ADAMTS17: variants seen among roughly 807,000 people sequenced by gnomAD.
The protein encoded by ADAMTS17 is ADAM metallopeptidase with thrombospondin type 1 motif 17, also known as A disintegrin and metalloproteinase with thrombospondin motifs 17.
A neutral mutation model predicts 141.5 loss-of-function variants in ADAMTS17; 113 were observed. The observed-to-expected ratio is 0.80, with a 90% CI of 0.69 to 0.93. The LOEUF (loss-of-function observed/expected upper bound fraction) is 0.93. Ranked by LOEUF, ADAMTS17 falls within the 40% of genes least tolerant of loss-of-function variation. ADAMTS17 has a pLI of 0.00. For synonymous variants in ADAMTS17, 768 were observed against 630.6 expected, an observed-to-expected ratio of 1.22 and a Z score of -3.27; for missense variants, 1,659 against 1,517.9, an observed-to-expected ratio of 1.09 and a Z score of -1.54.
At chr15:99,999,048 T>C (rs1460837375) in intron 18 of ADAMTS17, among the ~76,000 whole-genome samples, 1 of 152,196 alleles carries the variant, frequency 6.6e-6, no homozygotes. Flanking sequence ...GAACGGGTAC[T>C]GGACGGTGCC....
intron 4 of ADAMTS17, among the ~76,000 whole-genome samples, chr15:100,267,576 G>A (rs756806314): frequency 3.3e-5 from 5 of 152,054 alleles, no homozygotes; most frequent in African/African-American, 7.2e-5. Context: ...GGTTGGTTAC[G>A]TGAGTATATT....
chr15:100,155,142 T>C lies in ADAMTS17; in HGVS notation c.1322+38A>G, dbSNP rs8024690. 577,286 of 1,613,138 alleles carry C rather than the reference T, an allele frequency of 0.36. 104,841 individuals carry two copies. Among genetic ancestry groups the C allele is most frequent in the African/African-American group, 0.46 (34,445 of 74,984 alleles). ...TACTTTTGTCTTTTGGAAGTACTTT[T>C]GATTGCATTCATCCTATAGAATAAT... On this transcript the variant is annotated intron_variant, in intron 9 of 21. Transcript: ENST00000268070.
intron 4 of ADAMTS17, among the ~76,000 whole-genome samples, chr15:100,279,164 C>T (rs542955211): frequency 1.3e-5 from 2 of 152,300 alleles, no homozygotes; most frequent in African/African-American, 4.8e-5. Flanking sequence ...ACATAACATC[C>T]ACACATGGGC....
intron 15 of ADAMTS17, among the ~76,000 whole-genome samples, chr15:100,063,091 T>A (rs2033243429): frequency 6.6e-6 from 1 of 152,226 alleles, no homozygotes; most frequent in Non-Finnish European, 1.5e-5. Context: ...GCTTTGCTCC[T>A]GCATAGTTAG....
intron 4 of ADAMTS17, among the ~76,000 whole-genome samples, chr15:100,269,407 G>C (rs1164161178): frequency 6.6e-6 from 1 of 152,188 alleles, no homozygotes; most frequent in African/African-American, 2.4e-5. Context: ...AGCCTCTGTG[G>C]TAACTAGACA....
chr15:100,182,045 G>C (rs1468172367), intron 8 of ADAMTS17, among the ~76,000 whole-genome samples: 1 of 152,240 alleles, frequency 6.6e-6, no homozygotes, highest in Non-Finnish European at 1.5e-5. Flanking sequence ...ATGGGTGTCA[G>C]CTGAGCTCAG....
chr15:100,046,503 C>T (rs865974812), intron 18 of ADAMTS17, among the ~76,000 whole-genome samples: 2 of 152,166 alleles, frequency 1.3e-5, no homozygotes, highest in Non-Finnish European at 2.9e-5. Flanking sequence ...GAAAACAGAA[C>T]TAATTTTAAA....
chr15:100,021,554 G>C (rs748599611), intron 18 of ADAMTS17, among the ~76,000 whole-genome samples: 2 of 152,096 alleles, frequency 1.3e-5, no homozygotes, highest in Admixed American at 6.5e-5. Context: ...TGAAACTTTC[G>C]ACGGCTCCCT....
At chr15:100,247,648 C>G (rs2043028673) in intron 7 of ADAMTS17, among the ~76,000 whole-genome samples, 1 of 152,148 alleles carries the variant, frequency 6.6e-6, no homozygotes, top group African/African-American at 2.4e-5. Flanking sequence ...TTCTTTCTTA[C>G]CTAACTGATG....
chr15:100,341,941 G>A lies in ADAMTS17; in HGVS notation c.-42C>T, dbSNP rs1011683071. On this transcript the variant is annotated 5_prime_UTR_variant, in exon 1 of 22. Transcript: ENST00000268070. ...AGCCCCCCCGGACCGTGGCGGCGAA[G>A]CAGGAGCGCGCTAGGCGGCGGCGCC... is the stretch of plus-strand genomic sequence containing the variant. The A allele has an allele frequency of 3.9e-6, 6 of 1,546,554 alleles. No individual in the cohort carries two copies. Among genetic ancestry groups the A allele is most frequent in the East Asian group, 2.4e-5 (1 of 40,842 alleles).
intron 10 of ADAMTS17, among the ~76,000 whole-genome samples, chr15:100,146,092 G>A (rs1026529081): frequency 2.6e-5 from 4 of 152,228 alleles, no homozygotes; most frequent in Non-Finnish European, 5.9e-5. Context: ...AGAATCACTT[G>A]AACCTGGGAG....
chr15:100,271,539 C>T (rs900419349), intron 4 of ADAMTS17, among the ~76,000 whole-genome samples: 23 of 109,568 alleles, frequency 2.1e-4, no homozygotes, highest in African/African-American at 7.8e-4. Context: ...ACATCTTCTT[C>T]GTAAAAATGT....
chr15:100,273,774 T>A (rs1456605353), intron 4 of ADAMTS17, among the ~76,000 whole-genome samples: 1 of 152,166 alleles, frequency 6.6e-6, no homozygotes, highest in Non-Finnish European at 1.5e-5. Flanking sequence ...AGTTGTAAAG[T>A]CAGATTGTTT....
chr15:100,220,156 A>G (rs1223139840), intron 7 of ADAMTS17, among the ~76,000 whole-genome samples: 1 of 151,914 alleles, frequency 6.6e-6, no homozygotes, highest in Non-Finnish European at 1.5e-5. Flanking sequence ...GGCCTTAGAC[A>G]CTCCTCATAA....
chr15:100,257,044 T>G (rs535581760), intron 6 of ADAMTS17: 1 of 152,336 alleles, frequency 6.6e-6, no homozygotes, highest in Non-Finnish European at 1.5e-5. Flanking sequence ...GGGAACGTCT[T>G]GGAGAATACA....
chr15:100,199,490 C>A, intron 7 of ADAMTS17, 67 bp from the exon 8 acceptor site: 1 of 1,337,624 alleles, frequency 7.5e-7, no homozygotes. Context: ...CGGGCAAGTC[C>A]GCACGGTCAA....
intron 15 of ADAMTS17, among the ~76,000 whole-genome samples, chr15:100,067,917 G>C (rs1004232567): frequency 1.3e-5 from 2 of 152,184 alleles, no homozygotes; most frequent in African/African-American, 2.4e-5. Context: ...AGGACAGTGG[G>C]TGCAGTGCAC....
chr15:100,068,198 C>T (rs919380792), intron 15 of ADAMTS17, among the ~76,000 whole-genome samples: 1 of 152,092 alleles, frequency 6.6e-6, no homozygotes, highest in African/African-American at 2.4e-5. Context: ...GGCAGTGAGG[C>T]TGGGGGAGGG....
At position 100,052,851 on chromosome 15, in the gene ADAMTS17, C is replaced by T. The variant is rs562164243; in HGVS notation, c.2295+1046G>A. ...CAGATTTCTACATGGTTTGGTTGCA[C>T]ATGAAAACTGCCTTACCTTTGTCTC... On this transcript the variant is annotated intron_variant, in intron 16 of 21. Coordinates refer to ENST00000268070, the MANE Select transcript of ADAMTS17 (RefSeq NM_139057.4). Among the ~76,000 whole-genome samples, 3 of 152,318 alleles carry T rather than the reference C, an allele frequency of 2.0e-5. No individual in the cohort carries two copies. The East Asian group carries it at 5.8e-4, about 29-fold the overall frequency.
Sources: gnomAD v4.1 joint callset for allele counts (sites outside exome capture counted in the v4.1 genomes callset) on GRCh38, gnomAD v4.1.1 for gene constraint, MANE v1.5 for transcripts, NCBI Gene and HGNC (gene_info 2026-07-23, HGNC 2026-07-21) for gene names.